KLF7: variants seen among roughly 807,000 people sequenced by gnomAD.
KLF7 encodes the protein KLF transcription factor 7.
KLF7 carries 2 observed loss-of-function variants against 27.3 expected under a neutral mutation model. That is an observed-to-expected ratio of 0.07 (90% confidence interval 0.03 to 0.23). The LOEUF is 0.23. Ranked by LOEUF, KLF7 falls within the 10% of genes least tolerant of loss-of-function variation. The probability of loss-of-function intolerance (pLI) is 1.00; values close to 1 mark genes in which losing one functional copy is unlikely to be tolerated. For missense variants in KLF7, 221 were observed against 394.1 expected (o/e 0.56, Z 3.72); for synonymous variants, 165 against 162.4 (o/e 1.02, Z -0.12).
Position 207,124,346 on chromosome 2 carries a change from A to G in KLF7, c.161T>C (p.Phe54Ser). ...QTEPRRISET[F>S]GEDLDCFLHA... ...GAGGAAACAGTCCAAGTCCTCACCAAAGGTCTCTGAGATCCTCCGGGGCTC... is the reference window on the plus strand; with the variant it reads ...GAGGAAACAGTCCAAGTCCTCACCAGAGGTCTCTGAGATCCTCCGGGGCTC... Residue 54 changes from phenylalanine to serine, a missense_variant, in exon 2 of 4, where the codon TTT (phenylalanine) becomes TCT (serine). By Grantham distance (155) the Phe-to-Ser change is radical (BLOSUM62 -2). This residue lies in a region of KLF7 where 180 missense variants were observed against 227.9 expected (regional missense o/e 0.79). Coordinates refer to ENST00000309446, the MANE Select transcript of KLF7 (RefSeq NM_003709.4). 1 of 1,600,828 alleles carries G rather than the reference A, an allele frequency of 6.2e-7. No individual in the cohort carries two copies. Among genetic ancestry groups the G allele is most frequent in the South Asian group, 1.1e-5 (1 of 90,370 alleles).
chr2:207,152,638 G>A (rs764782755), intron 1 of KLF7, among the ~76,000 whole-genome samples: 20 of 152,194 alleles, frequency 1.3e-4, no homozygotes, highest in Non-Finnish European at 2.8e-4. Flanking sequence ...AGGAAAAAGT[G>A]AGATGCGATT....
Position 207,139,929 on chromosome 2 carries a change from G to A in KLF7, c.103-15525C>T, listed in dbSNP as rs553776846. The stretch of plus-strand genomic sequence containing the variant: ...AGAGTCTTTCTTTTTTGAGACAGTC[G>A]CCAGGCTGGAGTGCAGTGGCGCAAT... On this transcript the variant is annotated intron_variant, in intron 1 of 3. Transcript: ENST00000309446. Among the ~76,000 whole-genome samples, 41 of 151,912 alleles carry A rather than the reference G, an allele frequency of 2.7e-4. 1 individual carries two copies. In the South Asian group the frequency reaches 7.7e-3, roughly 29 times the overall value.
intron 2 of KLF7, among the ~76,000 whole-genome samples, chr2:207,107,298 T>C (rs2076906270): frequency 6.6e-6 from 1 of 152,106 alleles, no homozygotes; most frequent in Admixed American, 6.6e-5. Flanking sequence ...TCATGAATAA[T>C]TAAAGCCAAG....
chr2:207,130,977 C>G (rs976400652), intron 1 of KLF7, among the ~76,000 whole-genome samples: 3 of 152,212 alleles, frequency 2.0e-5, no homozygotes, highest in African/African-American at 7.2e-5. Context: ...ATTTGTGGTC[C>G]TTTAGCCAGC....
chr2:207,131,705 G>A (rs569486320), intron 1 of KLF7, among the ~76,000 whole-genome samples: 1 of 152,320 alleles, frequency 6.6e-6, no homozygotes, highest in Admixed American at 6.5e-5. Context: ...ATAATATGAT[G>A]TAATGATTCT....
intron 2 of KLF7, among the ~76,000 whole-genome samples, chr2:207,105,782 G>A (rs930062475): frequency 3.3e-5 from 5 of 152,176 alleles, no homozygotes; most frequent in African/African-American, 1.2e-4. Context: ...GGGACTGAGA[G>A]AACAGGCAGT....
chr2:207,099,577 A>C (rs1389049778), intron 2 of KLF7, among the ~76,000 whole-genome samples: 1 of 29,418 alleles, frequency 3.4e-5, no homozygotes, highest in Non-Finnish European at 7.5e-5. Context: ...TATATATGAA[A>C]AGAGATAGAT....
At chr2:207,165,232 G>T (rs566863342) in intron 1 of KLF7, among the ~76,000 whole-genome samples, 1 of 152,302 alleles carries the variant, frequency 6.6e-6, no homozygotes, top group African/African-American at 2.4e-5. Flanking sequence ...GTTGGCGACT[G>T]AAACGCAGGC....
the KLF7 span, among the ~76,000 whole-genome samples, chr2:207,172,473 A>G: frequency 1.3e-5 from 2 of 152,292 alleles, no homozygotes; most frequent in South Asian, 4.1e-4. Context: ...GATTTGTGAT[A>G]CTTATCTCTT....
chr2:207,145,190 T>C (rs2078064850), intron 1 of KLF7, among the ~76,000 whole-genome samples: 1 of 152,226 alleles, frequency 6.6e-6, no homozygotes, highest in Non-Finnish European at 1.5e-5. Flanking sequence ...TAACGTATCA[T>C]TAAGACCTTA....
upstream of KLF7, among the ~76,000 whole-genome samples, chr2:207,168,966 T>C (rs1313761418): frequency 6.6e-6 from 1 of 152,208 alleles, no homozygotes; most frequent in Non-Finnish European, 1.5e-5. Flanking sequence ...GATTACCTTC[T>C]TTGTACCTAG....
At chr2:207,112,764 C>A (rs2077071313) in intron 2 of KLF7, among the ~76,000 whole-genome samples, 1 of 152,242 alleles carries the variant, frequency 6.6e-6, no homozygotes, top group African/African-American at 2.4e-5. Flanking sequence ...ACGGAAACTT[C>A]TACTTCAACA....
At chr2:207,149,586 T>C (rs72966214) in intron 1 of KLF7, among the ~76,000 whole-genome samples, 3,343 of 152,330 alleles carry the variant, frequency 0.022, 60 homozygotes, top group Middle Eastern at 0.071. Context: ...TATGCCTTCA[T>C]TTCAACCAGT....
intron 3 of KLF7, among the ~76,000 whole-genome samples, chr2:207,085,164 G>GAAAAAAAA (rs1015691241): frequency 1.7e-4 from 4 of 22,992 alleles, no homozygotes; most frequent in Non-Finnish European, 2.3e-4. Flanking sequence ...TGTCTCAAAT[G>GAAAAAAAA]AAAAAAAAAA....
At chr2:207,142,413 T>A (rs774887483) in intron 1 of KLF7, among the ~76,000 whole-genome samples, 1 of 152,196 alleles carries the variant, frequency 6.6e-6, no homozygotes, top group Non-Finnish European at 1.5e-5. Flanking sequence ...CCACTTTATA[T>A]AGGACATTGT....
chr2:207,145,478 A>G (rs1287943383), intron 1 of KLF7, among the ~76,000 whole-genome samples: 1 of 152,248 alleles, frequency 6.6e-6, no homozygotes, highest in Non-Finnish European at 1.5e-5. Flanking sequence ...TCAAACCCAA[A>G]AAGAGACTAA....
chr2:207,086,188 G>C (rs554476195), intron 3 of KLF7, among the ~76,000 whole-genome samples: 1 of 152,146 alleles, frequency 6.6e-6, no homozygotes, highest in Non-Finnish European at 1.5e-5. Flanking sequence ...GGTACCAACA[G>C]GATGCCATGT....
At chr2:207,133,991 C>A (rs939221511) in intron 1 of KLF7, 1 of 1,142,352 alleles carries the variant, frequency 8.8e-7, no homozygotes. Flanking sequence ...CTCTTATGCA[C>A]CCCCACCCGC....
intron 2 of KLF7, among the ~76,000 whole-genome samples, chr2:207,123,127 C>T (rs560056970): frequency 2.0e-5 from 3 of 152,196 alleles, no homozygotes; most frequent in African/African-American, 4.8e-5. Context: ...CCCATCCCTC[C>T]CCCACCCGCT....
Sources: allele counts gnomAD v4.1 joint callset (sites outside exome capture counted in the v4.1 genomes callset), GRCh38; gene constraint gnomAD v4.1.1; regional missense constraint gnomAD v4.1.1; transcripts MANE v1.5; gene names NCBI Gene and HGNC (gene_info 2026-07-23, HGNC 2026-07-21).